MAGI2: variants seen among roughly 807,000 people sequenced by gnomAD.
The protein encoded by MAGI2 is membrane-associated guanylate kinase, WW and PDZ domain-containing protein 2.
MAGI2 carries 35 observed loss-of-function variants against 133.3 expected under a neutral mutation model. The ratio of observed to expected loss-of-function variants is 0.26; its 90% CI spans 0.20 to 0.35. The LOEUF is 0.35. MAGI2 is among the 10% of genes least tolerant of loss of function. The probability of loss-of-function intolerance (pLI) is 1.00; values close to 1 mark genes in which losing one functional copy is unlikely to be tolerated. For missense variants in MAGI2, 1,636 were observed against 1,863.4 expected (o/e 0.88, Z 2.25); for synonymous variants, 729 against 710.6 (o/e 1.03, Z -0.41).
chr7:79,125,495 G>A (rs1220719556), intron 1 of MAGI2: 11 of 513,004 alleles, frequency 2.1e-5, no homozygotes, highest in Admixed American at 9.0e-5. Flanking sequence ...GGAAGCAGAC[G>A]CTATGGAAGT....
intron 2 of MAGI2, among the ~76,000 whole-genome samples, chr7:78,816,212 T>A (rs1401974510): frequency 6.6e-6 from 1 of 152,176 alleles, no homozygotes; most frequent in Non-Finnish European, 1.5e-5. Flanking sequence ...CTCTCTTCAA[T>A]TCTATGAAGG....
chr7:78,947,970 C>T (rs1020308940), intron 2 of MAGI2, among the ~76,000 whole-genome samples: 2 of 151,970 alleles, frequency 1.3e-5, no homozygotes, highest in Non-Finnish European at 2.9e-5. Context: ...AACCCTAAAA[C>T]TGTGAGTGAC....
intron 1 of MAGI2, among the ~76,000 whole-genome samples, chr7:79,053,446 ACT>A (rs1303385756): frequency 3.9e-5 from 6 of 152,092 alleles, no homozygotes. Flanking sequence ...ATCTATGAAC[ACT>A]CTGATCTCCA....
chr7:78,674,073 G>A (rs1363005397), intron 2 of MAGI2, among the ~76,000 whole-genome samples: 4 of 152,086 alleles, frequency 2.6e-5, no homozygotes, highest in Admixed American at 2.0e-4. Flanking sequence ...ATGACATAGT[G>A]CACTGCTGAT....
At chr7:78,982,039 C>T (rs559787539) in intron 2 of MAGI2, among the ~76,000 whole-genome samples, 17 of 151,870 alleles carry the variant, frequency 1.1e-4, no homozygotes, top group Admixed American at 9.9e-4. Flanking sequence ...AGGTCCAAAA[C>T]CTGGTATTCT....
At chr7:78,955,631 C>G (rs1248161117) in intron 2 of MAGI2, among the ~76,000 whole-genome samples, 3 of 150,940 alleles carry the variant, frequency 2.0e-5, no homozygotes, top group Non-Finnish European at 4.4e-5. Flanking sequence ...CCTTCCTTCC[C>G]TCCCTCCTTT....
intron 3 of MAGI2, among the ~76,000 whole-genome samples, chr7:78,597,987 G>A (rs1430555014): frequency 2.6e-5 from 4 of 151,794 alleles, no homozygotes; most frequent in Non-Finnish European, 5.9e-5. Flanking sequence ...ACCAATACAA[G>A]GTAAAAACAA....
intron 1 of MAGI2, among the ~76,000 whole-genome samples, chr7:79,188,208 C>A (rs1283453781): frequency 6.6e-6 from 1 of 151,772 alleles, no homozygotes; most frequent in East Asian, 1.9e-4. Context: ...CTGCACCTAT[C>A]AACCCATCAC....
chr7:78,566,719 C>T lies in MAGI2; in HGVS notation c.539-45074G>A, dbSNP rs903863668. ...TTTATTGAGAGGTTCCATCAGATAA[C>T]TTACTCTTTTCAATCCTTATCTTTT... On this transcript the variant is annotated intron_variant, in intron 3 of 21. Coordinates refer to ENST00000354212, the MANE Select transcript of MAGI2 (RefSeq NM_012301.4). Among the ~76,000 whole-genome samples the T allele has an allele frequency of 8.5e-5, 13 of 152,258 alleles. No individual in the cohort carries two copies. In the East Asian group the frequency reaches 2.5e-3, roughly 29 times the overall value.
At chr7:78,384,344 A>G (rs1198803910) in intron 6 of MAGI2, among the ~76,000 whole-genome samples, 1 of 152,192 alleles carries the variant, frequency 6.6e-6, no homozygotes, top group Non-Finnish European at 1.5e-5. Flanking sequence ...CATGGATCAG[A>G]TAGTTTCAGG....
intron 7 of MAGI2, among the ~76,000 whole-genome samples, chr7:78,356,327 A>C (rs570455105): frequency 6.6e-6 from 1 of 152,344 alleles, no homozygotes; most frequent in Admixed American, 6.5e-5. Context: ...TCTGAGGGCC[A>C]GTGATCTAAG....
At chr7:79,223,286 C>A (rs1260100720) in intron 1 of MAGI2, among the ~76,000 whole-genome samples, 2 of 151,936 alleles carry the variant, frequency 1.3e-5, no homozygotes, top group African/African-American at 4.8e-5. Flanking sequence ...TGGTAGAAGT[C>A]CATTACCAAT....
Position 78,186,948 on chromosome 7 carries a change from G to A in MAGI2, c.2270-1278C>T, listed in dbSNP as rs118013576. Among the ~76,000 whole-genome samples the A allele has an allele frequency of 9.8e-3, 1,484 of 152,198 alleles. 13 individuals carry two copies. The highest frequency in any genetic ancestry group is 0.016 in the Non-Finnish European group (1,119 of 67,988). ...CACACAACTGGGTTTAATAAGAGAT[G>A]GGCAGAAGACACATGTATGCAAACC... On this transcript the variant is annotated intron_variant, in intron 12 of 21. Transcript: ENST00000354212.
At chr7:79,128,940 G>T (rs373895971) in intron 1 of MAGI2, among the ~76,000 whole-genome samples, 1 of 151,964 alleles carries the variant, frequency 6.6e-6, no homozygotes, top group African/African-American at 2.4e-5. Context: ...GCATGATCTC[G>T]GCTCACTGCA....
chr7:78,521,919 T>C (rs1233810467), intron 3 of MAGI2, among the ~76,000 whole-genome samples: 1 of 152,202 alleles, frequency 6.6e-6, no homozygotes, highest in Non-Finnish European at 1.5e-5. Context: ...GTCTTATGTA[T>C]TATTCCCAAG....
At chr7:79,256,608 G>A (rs984995028) in intron 1 of MAGI2, among the ~76,000 whole-genome samples, 2 of 147,498 alleles carry the variant, frequency 1.4e-5, no homozygotes, top group African/African-American at 2.5e-5. Flanking sequence ...CTTTCACCTC[G>A]ATCTCCCCAG....
chr7:79,315,528 T>C (rs957490348), intron 1 of MAGI2, among the ~76,000 whole-genome samples: 4 of 151,886 alleles, frequency 2.6e-5, no homozygotes, highest in African/African-American at 9.7e-5. Flanking sequence ...CACCAGTAGA[T>C]ATTCAACGTT....
chr7:78,971,488 G>A (rs1326126806), intron 2 of MAGI2, among the ~76,000 whole-genome samples: 1 of 151,874 alleles, frequency 6.6e-6, no homozygotes, highest in Non-Finnish European at 1.5e-5. Flanking sequence ...TTAGGGTAAA[G>A]GTGCTAAATG....
In MAGI2 at chr7:79,118,248, A is replaced by G. The variant is rs547891974; in HGVS notation, c.302-111042T>C. The stretch of plus-strand genomic sequence containing the variant: ...ATAGAACTCCTTTGCACTTGCAAAC[A>G]TGCTACTATTTGGGTGTACACTTTA... On this transcript the variant is annotated intron_variant, in intron 1 of 21. Transcript: ENST00000354212. Among the ~76,000 whole-genome samples the G allele has an allele frequency of 2.0e-5, 3 of 152,282 alleles. No homozygotes were observed. In the East Asian group the frequency reaches 5.8e-4, roughly 29 times the overall value.
Sources: gnomAD v4.1 joint callset for allele counts (sites outside exome capture counted in the v4.1 genomes callset) on GRCh38, gnomAD v4.1.1 for gene constraint, MANE v1.5 for transcripts, NCBI Gene and HGNC (gene_info 2026-07-23, HGNC 2026-07-21) for gene names.